Variants in ERP27 observed in about 807,000 individuals in gnomAD.
The protein encoded by ERP27 is endoplasmic reticulum resident protein 27.
ERP27 carries 23 observed loss-of-function variants against 27.7 expected under a neutral mutation model. That is an observed-to-expected ratio of 0.83 (90% CI 0.60 to 1.18). The LOEUF (loss-of-function observed/expected upper bound fraction) is 1.18, where lower values mean the gene tolerates loss of function less well. Among genes scored for constraint, ERP27 ranks in the 50% most tolerant of loss-of-function variants. ERP27 has a pLI of 0.00. For synonymous variants in ERP27, 159 were observed against 118.3 expected (o/e 1.34, Z -2.23); for missense variants, 363 against 327.9 (o/e 1.11, Z -0.83).
chr12:14,935,050 C>G (rs954139747), intron 2 of ERP27, 57 bp from the exon 3 acceptor site: 1 of 1,572,286 alleles, frequency 6.4e-7, no homozygotes, highest in Non-Finnish European at 8.6e-7. Context: ...CAGAGACAAA[C>G]GATAGGCAAA....
At chr12:14,938,195 A>G (rs1002581249) in intron 1 of ERP27, 143 bp from the exon 2 acceptor site, 1 of 788,828 alleles carries the variant, frequency 1.3e-6, no homozygotes, top group Admixed American at 2.3e-5. Flanking sequence ...CCAAGGCATA[A>G]TATTTTTACT....
rs575701937 is a variant in ERP27 at position 14,930,588 on chromosome 12, C to T, written c.333+4268G>A. 9.5e-4 allele frequency among the ~76,000 whole-genome samples: 145 copies of T among 152,054 alleles called. No homozygotes were observed. In the Middle Eastern group the frequency reaches 0.01, roughly 11 times the overall value. ...TATATGCTGTTACACTCACAAAAGA[C>T]AGGCTGTGCCCTCACACAGCAAGAC... On this transcript the variant is annotated intron_variant, in intron 3 of 6. Coordinates refer to ENST00000266397, the MANE Select transcript of ERP27 (RefSeq NM_152321.4).
At chr12:14,920,903 A>C in intron 4 of ERP27, 29 bp downstream of exon 4, 1 of 1,575,022 alleles carries the variant, frequency 6.3e-7, no homozygotes, top group South Asian at 1.1e-5. Flanking sequence ...CAGGGTCTGA[A>C]GGGACTAAGA....
intron 3 of ERP27, among the ~76,000 whole-genome samples, chr12:14,922,618 G>A (rs1376067159): frequency 6.6e-6 from 1 of 152,136 alleles, no homozygotes; most frequent in African/African-American, 2.4e-5. Context: ...CATAGTTAAA[G>A]TTATCATCTT....
At position 14,922,138 on chromosome 12, in the gene ERP27, G is replaced by C. The variant is rs555538458; in HGVS notation, c.334-1090C>G. Among the ~76,000 whole-genome samples, 17 of 152,288 alleles carry C rather than the reference G, an allele frequency of 1.1e-4. 1 individual carries two copies. The South Asian group carries it at 2.7e-3, about 24-fold the overall frequency. ...TGACTTTTAGTACATATATGCCTCT[G>C]TATCCACTGAGCATATACCTCAGAT... On this transcript the variant is annotated intron_variant, in intron 3 of 6. Coordinates refer to ENST00000266397, the MANE Select transcript of ERP27 (RefSeq NM_152321.4).
intron 3 of ERP27, among the ~76,000 whole-genome samples, chr12:14,929,965 A>G (rs1422428213): frequency 6.7e-6 from 1 of 148,342 alleles, no homozygotes; most frequent in Admixed American, 6.7e-5. Flanking sequence ...TTTAAAAAAA[A>G]GTTTCATCAT....
intron 4 of ERP27, among the ~76,000 whole-genome samples, chr12:14,918,801 G>T (rs989493128): frequency 6.6e-6 from 1 of 152,170 alleles, no homozygotes; most frequent in African/African-American, 2.4e-5. Flanking sequence ...ATTTCTCCGT[G>T]GAGTTTAAAA....
chr12:14,934,769 CAT>C (rs1863749691), intron 3 of ERP27, 85 bp downstream of exon 3: 1 of 1,518,470 alleles, frequency 6.6e-7, no homozygotes, highest in African/African-American at 1.4e-5. Flanking sequence ...GTGTAAAAGA[CAT>C]AGAGTCCTTT....
chr12:14,924,339 G>C (rs929141636), intron 3 of ERP27, among the ~76,000 whole-genome samples: 2 of 152,126 alleles, frequency 1.3e-5, no homozygotes, highest in African/African-American at 2.4e-5. Context: ...ATGAACATGG[G>C]AGTGCAGATA....
intron 4 of ERP27, among the ~76,000 whole-genome samples, chr12:14,920,508 T>A (rs1049030078): frequency 5.3e-5 from 8 of 152,190 alleles, no homozygotes; most frequent in Non-Finnish European, 7.3e-5. Context: ...TCTTATTTTA[T>A]TTTAGGCACA....
intron 3 of ERP27, among the ~76,000 whole-genome samples, chr12:14,932,253 T>C (rs1371392221): frequency 6.6e-6 from 1 of 152,174 alleles, no homozygotes; most frequent in African/African-American, 2.4e-5. Flanking sequence ...TAAAATGGTA[T>C]ATGAAAATAG....
chr12:14,919,010 C>T (rs997248000), intron 4 of ERP27, among the ~76,000 whole-genome samples: 3 of 152,222 alleles, frequency 2.0e-5, no homozygotes, highest in African/African-American at 2.4e-5. Context: ...TGACCATAGC[C>T]GAATGGATTC....
At chr12:14,938,341 G>C in intron 1 of ERP27, 74 bp downstream of exon 1, 1 of 1,458,834 alleles carries the variant, frequency 6.9e-7, no homozygotes, top group Non-Finnish European at 9.6e-7. Flanking sequence ...AGTACCCAGA[G>C]AACCACCATG....
At chr12:14,916,389 G>A (rs73300942) in intron 5 of ERP27, among the ~76,000 whole-genome samples, 7,050 of 152,100 alleles carry the variant, frequency 0.046, 539 homozygotes, top group African/African-American at 0.16. Context: ...CAGCCTCTCC[G>A]AGACTCAGTT....
At chr12:14,934,621 C>A in intron 3 of ERP27, among the ~76,000 whole-genome samples, 1 of 152,154 alleles carries the variant, frequency 6.6e-6, no homozygotes, top group East Asian at 1.9e-4. Context: ...GGCTGTTGAG[C>A]GACAAAGCAG....
chr12:14,928,534 T>C (rs1404733731), intron 3 of ERP27, among the ~76,000 whole-genome samples: 1 of 152,238 alleles, frequency 6.6e-6, no homozygotes, highest in African/African-American at 2.4e-5. Flanking sequence ...GCCTGCTATA[T>C]GCACTGAGGC....
intron 3 of ERP27, among the ~76,000 whole-genome samples, chr12:14,932,788 G>T (rs537809262): frequency 2.0e-5 from 3 of 152,170 alleles, no homozygotes; most frequent in African/African-American, 7.2e-5. Flanking sequence ...TAGAAGGAGT[G>T]GAGGAGAATA....
Position 14,914,589 on chromosome 12 carries a change from TGCACGC to T in ERP27, c.*140_*145del, listed in dbSNP as rs2120530331. On this transcript the variant is annotated 3_prime_UTR_variant, in exon 7 of 7. Coordinates refer to ENST00000266397, the MANE Select transcript of ERP27 (RefSeq NM_152321.4). ...GTGTGTGTGTGTGTGCGTGTGTGTGTGCACGCGTGCGTGCGTGTGTGCACGTGCGTG... is the reference window on the plus strand; with the variant it reads ...GTGTGTGTGTGTGTGCGTGTGTGTGTGTGCGTGCGTGTGTGCACGTGCGTG... 1.6e-6 allele frequency: 1 copy of T among 609,712 alleles called. No homozygotes were observed. Among genetic ancestry groups the T allele is most frequent in the Non-Finnish European group, 2.9e-6 (1 of 345,300 alleles). 37.8% of individuals were successfully genotyped at this position (609,712 alleles called of 1,614,324 possible).
rs146879175 is a variant in ERP27, at chr12:14,935,112, G to GTAAC, written c.196-123_196-120dup. 1.5e-3 allele frequency: 2,185 copies of GTAAC among 1,483,524 alleles called. 40 individuals carry two copies. In the African/African-American group the frequency reaches 0.027, roughly 18 times the overall value. The allele number at this position is 1,483,524 out of a possible 1,614,324, so 91.9% of individuals were successfully genotyped here. A position where few individuals can be genotyped will look rare whatever the true frequency, so the allele number is the denominator to read the frequency against. ...AATCATAGATTTGATTTACTGCCCA[G>GTAAC]TAACACATGATTTACCCCTAACAAT... On this transcript the variant is annotated intron_variant, in intron 2 of 6. Transcript: ENST00000266397.
Sources: gnomAD v4.1 joint callset for allele counts (sites outside exome capture counted in the v4.1 genomes callset) on GRCh38, gnomAD v4.1.1 for gene constraint, MANE v1.5 for transcripts, NCBI Gene and HGNC (gene_info 2026-07-23, HGNC 2026-07-21) for gene names.